EWSR1: variants seen among roughly 807,000 people sequenced by gnomAD.
EWSR1 encodes RNA-binding protein EWS.
EWSR1 carries 14 observed loss-of-function variants against 92.1 expected under a neutral mutation model. The ratio of observed to expected loss-of-function variants is 0.15; its 90% CI spans 0.10 to 0.24. The LOEUF is 0.24. EWSR1 is among the 10% of genes least tolerant of loss of function. The pLI is 1.00. For synonymous variants in EWSR1, 303 were observed against 292.9 expected (o/e 1.03, Z -0.35); for missense variants, 637 against 870.9 (o/e 0.73, Z 3.38).
chr22:29,280,862 GTT>G (rs71196650), intron 5 of EWSR1, among the ~76,000 whole-genome samples: 44 of 62,864 alleles, frequency 7.0e-4, no homozygotes, highest in African/African-American at 1.1e-3. Flanking sequence ...TGTGTGTGTT[GTT>G]TTTTTTTTTT....
At chr22:29,290,249 C>T in intron 8 of EWSR1, 1 of 582,038 alleles carries the variant, frequency 1.7e-6, no homozygotes, top group Non-Finnish European at 3.0e-6. Flanking sequence ...CCCTCGTTGC[C>T]CCCCTTTTTA....
At chr22:29,285,868 C>G (rs62226084) in intron 6 of EWSR1, among the ~76,000 whole-genome samples, 2,916 of 151,794 alleles carry the variant, frequency 0.019, 57 homozygotes, top group Non-Finnish European at 0.031. Flanking sequence ...GACGGAGTCT[C>G]GCTCTGTCGC....
chr22:29,295,612 T>C (rs2060796368), intron 11 of EWSR1: 1 of 225,290 alleles, frequency 4.4e-6, no homozygotes, highest in African/African-American at 2.2e-5. Context: ...TATAAATAGA[T>C]TGCTCTTGTG....
At chr22:29,295,092 G>T (rs1302000339) in intron 11 of EWSR1, among the ~76,000 whole-genome samples, 3 of 151,454 alleles carry the variant, frequency 2.0e-5, no homozygotes, top group Admixed American at 6.6e-5. Context: ...TTGAGATGGA[G>T]TCTTGCTCTG....
intron 1 of EWSR1, among the ~76,000 whole-genome samples, chr22:29,272,011 C>T (rs1395193688): frequency 6.6e-6 from 1 of 152,070 alleles, no homozygotes; most frequent in Non-Finnish European, 1.5e-5. Flanking sequence ...ATTAGCTAGT[C>T]CCACAGTCAA....
intron 1 of EWSR1, among the ~76,000 whole-genome samples, chr22:29,269,899 C>T (rs1047370994): frequency 3.3e-5 from 5 of 152,244 alleles, no homozygotes; most frequent in Non-Finnish European, 7.3e-5. Context: ...TCACCAGTAA[C>T]TACCATGTGC....
chr22:29,300,021 T>G, intron 16 of EWSR1, 101 bp from the exon 17 acceptor site: 1 of 515,976 alleles, frequency 1.9e-6, no homozygotes, highest in Non-Finnish European at 2.5e-6. Flanking sequence ...CCCCTTCCCA[T>G]TCTAACCGAT....
Position 29,300,516 on chromosome 22 carries a change from T to C in EWSR1, c.*355T>C, listed in dbSNP as rs375258481. 9.2e-6 allele frequency: 2 copies of C among 216,696 alleles called. No homozygotes were observed. Among genetic ancestry groups the C allele is most frequent in the South Asian group, 1.3e-4 (1 of 7,550 alleles). The allele number at this position is 216,696 out of a possible 1,614,324, so 13.4% of individuals were successfully genotyped here. ...TTTTAAATAAAATTCCAAATGTTTA[T>C]AAAGAGTCATCCTTCTCGGCCTCTG... On this transcript the variant is annotated 3_prime_UTR_variant, in exon 17 of 17. Coordinates refer to ENST00000397938, the MANE Select transcript of EWSR1 (RefSeq NM_005243.4).
chr22:29,270,239 T>C (rs1020335122), intron 1 of EWSR1, among the ~76,000 whole-genome samples: 2 of 152,170 alleles, frequency 1.3e-5, no homozygotes, highest in Non-Finnish European at 2.9e-5. Flanking sequence ...TCGTATGTTA[T>C]CTCATGTAGA....
chr22:29,293,933 AG>A (rs1343855599), intron 11 of EWSR1, among the ~76,000 whole-genome samples: 1 of 152,120 alleles, frequency 6.6e-6, no homozygotes, highest in Non-Finnish European at 1.5e-5. Flanking sequence ...GCTGGATTGC[AG>A]TGGCGCAGTC....
In EWSR1 at chr22:29,279,043, A is replaced by G. The variant is rs186694821; in HGVS notation, c.413+827A>G. On this transcript the variant is annotated intron_variant, in intron 5 of 16. Coordinates refer to ENST00000397938, the MANE Select transcript of EWSR1 (RefSeq NM_005243.4). ...TGCTATCGAAGGGTCAAAATGAGGA[A>G]TGGCACTGAATAGGTTCTCTGGTTT... Among the ~76,000 whole-genome samples the G allele has an allele frequency of 5.3e-5, 8 of 152,146 alleles. No individual in the cohort carries two copies. The East Asian group carries it at 1.5e-3, about 29-fold the overall frequency.
At chr22:29,269,874 T>G (rs2058518074) in intron 1 of EWSR1, among the ~76,000 whole-genome samples, 1 of 152,238 alleles carries the variant, frequency 6.6e-6, no homozygotes, top group African/African-American at 2.4e-5. Context: ...TCAGTCAACT[T>G]TGTTCAAACC....
At chr22:29,282,657 C>G in intron 6 of EWSR1, 100 bp downstream of exon 6, 1 of 996,390 alleles carries the variant, frequency 1.0e-6, no homozygotes, top group Non-Finnish European at 1.4e-6. Context: ...GGTATGTTAT[C>G]TGACTGTCGC....
intron 1 of EWSR1, chr22:29,269,747 A>C (rs182711418): frequency 6.6e-6 from 1 of 152,176 alleles, no homozygotes; most frequent in Admixed American, 6.5e-5. Context: ...TACCACAGCT[A>C]ACCTCCCGGT....
At chr22:29,293,547 C>G (rs928382694) in intron 11 of EWSR1, among the ~76,000 whole-genome samples, 2 of 152,036 alleles carry the variant, frequency 1.3e-5, no homozygotes, top group East Asian at 3.9e-4. Context: ...GATTTTATTT[C>G]TCCATTTATT....
intron 3 of EWSR1, 150 bp from the exon 4 acceptor site, chr22:29,273,591 T>G: frequency 2.1e-5 from 18 of 840,002 alleles, no homozygotes; most frequent in Non-Finnish European, 2.9e-5. Context: ...GATACTGTGA[T>G]TATTTGTCTT....
intron 4 of EWSR1, among the ~76,000 whole-genome samples, 170 bp downstream of exon 4, chr22:29,274,034 TGA>T (rs1190987988): frequency 6.6e-6 from 1 of 152,212 alleles, no homozygotes; most frequent in Non-Finnish European, 1.5e-5. Flanking sequence ...CTTATAGTCT[TGA>T]GAGATCTCCA....
intron 13 of EWSR1, 87 bp from the exon 14 acceptor site, chr22:29,298,644 CTG>C (rs982147079): frequency 5.4e-6 from 8 of 1,494,054 alleles, no homozygotes; most frequent in Non-Finnish European, 7.4e-6. Context: ...GCAGTAGTAT[CTG>C]TGGGTTTACT....
At chr22:29,279,363 A>G (rs1437742346) in intron 5 of EWSR1, among the ~76,000 whole-genome samples, 2 of 152,222 alleles carry the variant, frequency 1.3e-5, no homozygotes, top group African/African-American at 4.8e-5. Flanking sequence ...CATATTCAAG[A>G]AATCAAACAT....
Sources: gnomAD v4.1 joint callset for allele counts (sites outside exome capture counted in the v4.1 genomes callset) on GRCh38, gnomAD v4.1.1 for gene constraint, MANE v1.5 for transcripts, NCBI Gene and HGNC (gene_info 2026-07-23, HGNC 2026-07-21) for gene names.